Variants in HEMK2 observed in about 807,000 individuals in gnomAD.
HEMK2 encodes the protein methyltransferase HEMK2.
the HEMK2 span, among the ~76,000 whole-genome samples, chr21:28,818,365 T>C: frequency 6.6e-6 from 1 of 152,166 alleles, no homozygotes; most frequent in Non-Finnish European, 1.5e-5. Context: ...ACTAGCTTCC[T>C]TGCTCCTCAG....
At chr21:28,840,936 G>T in the HEMK2 span, among the ~76,000 whole-genome samples, 1 of 139,282 alleles carries the variant, frequency 7.2e-6, no homozygotes, top group Non-Finnish European at 1.5e-5. Flanking sequence ...TTGCAAAATC[G>T]TGGAACTAAC....
chr21:28,672,157 T>C, the HEMK2 span, among the ~76,000 whole-genome samples: 5 of 151,994 alleles, frequency 3.3e-5, no homozygotes, highest in Non-Finnish European at 7.4e-5. Context: ...ATTTGTCTAG[T>C]TCTCTCTTCA....
the HEMK2 span, among the ~76,000 whole-genome samples, chr21:28,839,911 C>T: frequency 6.6e-6 from 1 of 152,116 alleles, no homozygotes; most frequent in Admixed American, 6.6e-5. Flanking sequence ...AGAGCCAAAG[C>T]AAGACCAAGC....
chr21:28,623,497 G>A, the HEMK2 span, among the ~76,000 whole-genome samples: 4 of 152,158 alleles, frequency 2.6e-5, no homozygotes, highest in Admixed American at 6.5e-5. Context: ...TATACCCAAA[G>A]GATTGCAAAC....
At chr21:28,870,160 T>C in the HEMK2 span, among the ~76,000 whole-genome samples, 1 of 152,186 alleles carries the variant, frequency 6.6e-6, no homozygotes, top group African/African-American at 2.4e-5. Context: ...GGAAAACTGA[T>C]AAGGAAGTAC....
At chr21:28,654,728 A>G in the HEMK2 span, among the ~76,000 whole-genome samples, 1,311 of 152,240 alleles carry the variant, frequency 8.6e-3, 10 homozygotes, top group Admixed American at 0.021. Context: ...TCATAGTTTT[A>G]GCATAAAGCA....
the HEMK2 span, among the ~76,000 whole-genome samples, chr21:28,587,433 TACTC>T: frequency 3.9e-5 from 6 of 152,230 alleles, no homozygotes; most frequent in Admixed American, 1.3e-4. Flanking sequence ...TTCATTGATC[TACTC>T]ACTCCTGGTG....
At chr21:28,609,564 C>A in the HEMK2 span, among the ~76,000 whole-genome samples, 4 of 97,054 alleles carry the variant, frequency 4.1e-5, no homozygotes, top group Admixed American at 1.2e-4. Flanking sequence ...TCTGAATTGC[C>A]AGGAAAAAAA....
At chr21:28,672,562 A>T in the HEMK2 span, among the ~76,000 whole-genome samples, 1 of 152,114 alleles carries the variant, frequency 6.6e-6, no homozygotes, top group Non-Finnish European at 1.5e-5. Flanking sequence ...TTTCTCCATT[A>T]ATAGAGAAGA....
At chr21:28,658,852 A>G in the HEMK2 span, among the ~76,000 whole-genome samples, 9 of 152,094 alleles carry the variant, frequency 5.9e-5, 1 homozygote. Flanking sequence ...AATTGCTATT[A>G]CATTTCATCT....
At chr21:28,859,193 C>G in the HEMK2 span, among the ~76,000 whole-genome samples, 1 of 152,150 alleles carries the variant, frequency 6.6e-6, no homozygotes, top group Non-Finnish European at 1.5e-5. Flanking sequence ...TCAGTAAAGC[C>G]CGCAACTTGG....
the HEMK2 span, among the ~76,000 whole-genome samples, chr21:28,672,203 T>C: frequency 2.0e-5 from 3 of 152,224 alleles, no homozygotes; most frequent in East Asian, 3.9e-4. Context: ...GAACTTCCCT[T>C]TGCTGAGTCC....
chr21:28,801,199 T>C, the HEMK2 span, among the ~76,000 whole-genome samples: 33 of 152,224 alleles, frequency 2.2e-4, no homozygotes, highest in Non-Finnish European at 5.9e-5. Context: ...GACAGGGATT[T>C]AGCGTATGAC....
At chr21:28,644,588 C>T in the HEMK2 span, among the ~76,000 whole-genome samples, 2 of 152,182 alleles carry the variant, frequency 1.3e-5, no homozygotes, top group Non-Finnish European at 2.9e-5. Context: ...TGTTTCTTCA[C>T]TCTGCTGGAT....
At chr21:28,635,671 T>C in the HEMK2 span, among the ~76,000 whole-genome samples, 1 of 152,058 alleles carries the variant, frequency 6.6e-6, no homozygotes, top group African/African-American at 2.4e-5. Context: ...CTCCAGGAGG[T>C]AGGTACTATA....
chr21:28,593,450 G>A, the HEMK2 span, among the ~76,000 whole-genome samples: 1 of 152,116 alleles, frequency 6.6e-6, no homozygotes, highest in Admixed American at 6.5e-5. Context: ...GTTGAAAGAA[G>A]TAACAACATC....
the HEMK2 span, among the ~76,000 whole-genome samples, chr21:28,718,614 CT>C: frequency 1.0e-5 from 1 of 97,304 alleles, no homozygotes; most frequent in African/African-American, 7.8e-5. Flanking sequence ...ATAATCTCCA[CT>C]TTAAAAAAAA....
chr21:28,810,804 T>C, the HEMK2 span, among the ~76,000 whole-genome samples: 1 of 152,196 alleles, frequency 6.6e-6, no homozygotes, highest in Non-Finnish European at 1.5e-5. Context: ...TCAGTCTTCT[T>C]TCTTTTGCAT....
chr21:28,807,776 T>C, the HEMK2 span, among the ~76,000 whole-genome samples: 179 of 152,282 alleles, frequency 1.2e-3, 1 homozygote, highest in African/African-American at 4.0e-3. Flanking sequence ...TCTGCTATAC[T>C]AGAAGAGAAA....
Sources: gnomAD v4.1 joint callset for allele counts (sites outside exome capture counted in the v4.1 genomes callset) on GRCh38, gnomAD v4.1.1 for gene constraint, MANE v1.5 for transcripts, NCBI Gene and HGNC (gene_info 2026-07-23, HGNC 2026-07-21) for gene names.